Variants in GRIK2 observed in about 807,000 individuals in gnomAD.
GRIK2 encodes glutamate receptor ionotropic, kainate 2.
A neutral mutation model predicts 100.3 loss-of-function variants in GRIK2; 32 were observed. The ratio of observed to expected loss-of-function variants is 0.32; its 90% confidence interval spans 0.24 to 0.43. GRIK2 has a LOEUF of 0.43. Ranked by LOEUF, GRIK2 falls within the 20% of genes least tolerant of loss-of-function variation. GRIK2 has a pLI of 1.00. For synonymous variants in GRIK2, 417 were observed against 389.4 expected, an observed-to-expected ratio of 1.07 and a Z score of -0.83; for missense variants, 843 against 1,114.9, an observed-to-expected ratio of 0.76 and a Z score of 3.47.
intron 5 of GRIK2, among the ~76,000 whole-genome samples, chr6:101,677,653 T>A (rs1436496892): frequency 6.6e-6 from 1 of 152,132 alleles, no homozygotes; most frequent in Non-Finnish European, 1.5e-5. Context: ...AATTTTTGGA[T>A]TTTGTTTCTT....
intron 14 of GRIK2, among the ~76,000 whole-genome samples, chr6:102,001,137 C>G (rs1238155463): frequency 6.6e-6 from 1 of 151,406 alleles, no homozygotes; most frequent in Non-Finnish European, 1.5e-5. Context: ...ATCAAAAACC[C>G]AAATGCCCGC....
chr6:101,532,379 A>T (rs1412787600), intron 2 of GRIK2, among the ~76,000 whole-genome samples: 4 of 151,926 alleles, frequency 2.6e-5, no homozygotes, highest in African/African-American at 9.7e-5. Flanking sequence ...TGTTTCCATT[A>T]TACATTATTG....
chr6:101,412,888 A>T (rs1333705388), intron 2 of GRIK2, among the ~76,000 whole-genome samples: 1 of 152,068 alleles, frequency 6.6e-6, no homozygotes, highest in Non-Finnish European at 1.5e-5. Context: ...AAAAATTCAC[A>T]ACACAGAATA....
intron 8 of GRIK2, among the ~76,000 whole-genome samples, chr6:101,801,612 C>T (rs958792121): frequency 2.6e-5 from 4 of 151,788 alleles, no homozygotes; most frequent in Non-Finnish European, 5.9e-5. Context: ...CTGTATTTAA[C>T]TACTTTTTCC....
At chr6:101,741,300 A>G (rs1176203668) in intron 7 of GRIK2, among the ~76,000 whole-genome samples, 1 of 152,248 alleles carries the variant, frequency 6.6e-6, no homozygotes, top group Non-Finnish European at 1.5e-5. Flanking sequence ...AACTATTACT[A>G]GAGTTTTCTT....
chr6:102,042,618 T>C (rs574857974), intron 15 of GRIK2, among the ~76,000 whole-genome samples: 133 of 151,714 alleles, frequency 8.8e-4, no homozygotes, highest in African/African-American at 2.3e-3. Flanking sequence ...TAATGATTAA[T>C]CAGGATAATG....
At chr6:102,055,651 G>C (rs1188460219) in intron 16 of GRIK2, 71 bp downstream of exon 16, 2 of 1,093,028 alleles carry the variant, frequency 1.8e-6, no homozygotes, top group Admixed American at 3.9e-5. Context: ...AACCAAAAGA[G>C]TTTTTATGTT....
intron 11 of GRIK2, among the ~76,000 whole-genome samples, chr6:101,882,407 A>G (rs1786313938): frequency 6.6e-6 from 1 of 152,118 alleles, no homozygotes; most frequent in Non-Finnish European, 1.5e-5. Context: ...AACATTTTAG[A>G]CCCATAGTTA....
At chr6:101,509,901 G>T (rs1774214759) in intron 2 of GRIK2, among the ~76,000 whole-genome samples, 3 of 151,930 alleles carry the variant, frequency 2.0e-5, no homozygotes, top group Admixed American at 2.0e-4. Flanking sequence ...CATCTATTCT[G>T]TTCAAAATTT....
At chr6:101,660,630 A>G (rs1319841303) in intron 4 of GRIK2, among the ~76,000 whole-genome samples, 1 of 151,972 alleles carries the variant, frequency 6.6e-6, no homozygotes, top group Non-Finnish European at 1.5e-5. Flanking sequence ...TTGGTGTCTG[A>G]TGTTGGTGAC....
rs1022190592 is a variant in GRIK2 at position 102,068,816 on chromosome 6, G to C, written c.*305G>C. 4.9e-6 allele frequency: 1 copy of C among 203,308 alleles called. No homozygotes were observed. Among genetic ancestry groups the C allele is most frequent in the South Asian group, 1.1e-4 (1 of 8,974 alleles). 12.6% of individuals were successfully genotyped at this position (203,308 alleles called of 1,614,324 possible). On this transcript the variant is annotated 3_prime_UTR_variant, in exon 17 of 17. Transcript: ENST00000369134. Reference sequence around the variant, plus strand: ...AAATGCAGTCCAGTGAGAAATTACAGGTTCCTTTTGAAGCTCAACTGTTGC... The same window carrying C: ...AAATGCAGTCCAGTGAGAAATTACACGTTCCTTTTGAAGCTCAACTGTTGC...
intron 2 of GRIK2, among the ~76,000 whole-genome samples, chr6:101,610,956 C>T (rs1180840427): frequency 6.6e-6 from 1 of 151,504 alleles, no homozygotes; most frequent in African/African-American, 2.4e-5. Flanking sequence ...GTATGCAGGC[C>T]CTCTTGGTTG....
chr6:101,586,061 G>T (rs1387240098), intron 2 of GRIK2, among the ~76,000 whole-genome samples: 1 of 152,054 alleles, frequency 6.6e-6, no homozygotes, highest in East Asian at 1.9e-4. Flanking sequence ...GCAATGCTGG[G>T]TTTTAGGGTT....
At chr6:102,023,289 A>G (rs1311999038) in intron 14 of GRIK2, among the ~76,000 whole-genome samples, 1 of 151,464 alleles carries the variant, frequency 6.6e-6, no homozygotes, top group Non-Finnish European at 1.5e-5. Flanking sequence ...GGAAAGAAAA[A>G]TAAGACCTGA....
At chr6:101,556,278 T>G (rs1169992708) in intron 2 of GRIK2, among the ~76,000 whole-genome samples, 1 of 149,242 alleles carries the variant, frequency 6.7e-6, no homozygotes, top group African/African-American at 2.5e-5. Flanking sequence ...TTTAAGTTGA[T>G]TTGTCAAGAA....
intron 14 of GRIK2, among the ~76,000 whole-genome samples, chr6:102,019,039 A>G (rs1453679155): frequency 6.6e-6 from 1 of 152,096 alleles, no homozygotes; most frequent in Non-Finnish European, 1.5e-5. Context: ...ACTTTTAAAA[A>G]TAGATAAAAT....
rs944200177 is a variant in GRIK2, at chr6:101,688,416, C to T, written c.951+2063C>T. 7.9e-5 allele frequency among the ~76,000 whole-genome samples: 12 copies of T among 151,802 alleles called. No homozygotes were observed. In the East Asian group the frequency reaches 2.1e-3, roughly 27 times the overall value. ...ACATCATCTCCCGAAATGAAGTAATCCCTAATTTGTGGCAACTTATGTAAA... is the reference window on the plus strand; with the variant it reads ...ACATCATCTCCCGAAATGAAGTAATTCCTAATTTGTGGCAACTTATGTAAA... On this transcript the variant is annotated intron_variant, in intron 7 of 16. Transcript: ENST00000369134.
intron 14 of GRIK2, among the ~76,000 whole-genome samples, chr6:101,976,050 G>C (rs2128487575): frequency 6.6e-6 from 1 of 151,984 alleles, no homozygotes; most frequent in Admixed American, 6.6e-5. Context: ...AGGTAGAGGG[G>C]TCTGTCATTG....
intron 10 of GRIK2, 145 bp from the exon 11 acceptor site, chr6:101,859,142 T>C (rs1262179855): frequency 3.5e-6 from 2 of 571,768 alleles, no homozygotes; most frequent in Non-Finnish European, 6.2e-6. Flanking sequence ...TATTCTAGAC[T>C]TCATTAATTA....
Sources: allele counts gnomAD v4.1 joint callset (sites outside exome capture counted in the v4.1 genomes callset), GRCh38; gene constraint gnomAD v4.1.1; transcripts MANE v1.5; gene names NCBI Gene and HGNC (gene_info 2026-07-23, HGNC 2026-07-21).